JMJD1C: variants seen among roughly 807,000 people sequenced by gnomAD.
JMJD1C encodes jumonji domain containing 1C, also known as jumonji domain-containing protein 1C.
In JMJD1C, 31 loss-of-function variants were observed where a neutral mutation model predicts 245.3. The observed-to-expected ratio is 0.13, with a 90% CI of 0.09 to 0.17. The LOEUF (loss-of-function observed/expected upper bound fraction) is 0.17. Among genes scored for constraint, JMJD1C ranks in the 10% least tolerant of loss-of-function variants. The pLI, the probability that JMJD1C is intolerant of heterozygous loss-of-function variation, is 1.00. For synonymous variants in JMJD1C, 1,057 were observed against 1,017.4 expected, an observed-to-expected ratio of 1.04 and a Z score of -0.74; for missense variants, 2,691 against 3,000.2, an observed-to-expected ratio of 0.90 and a Z score of 2.41.
At chr10:63,368,830 T>C (rs1322060464) in intron 2 of JMJD1C, among the ~76,000 whole-genome samples, 1 of 151,624 alleles carries the variant, frequency 6.6e-6, no homozygotes, top group East Asian at 2.0e-4. Context: ...GGGACTACAG[T>C]AGAGACAGGG....
At chr10:63,338,496 G>A (rs1366756504) in intron 2 of JMJD1C, among the ~76,000 whole-genome samples, 1 of 151,888 alleles carries the variant, frequency 6.6e-6, no homozygotes, top group Non-Finnish European at 1.5e-5. Context: ...AAACTTTTCA[G>A]ATAAAATTTA....
chr10:63,196,549 A>G lies in JMJD1C; in HGVS notation c.5644+862T>C, dbSNP rs373171715. Reference sequence around the variant, plus strand: ...AGAGACTTTGGTTAATCCTATCAGTAGAAGATACTGATGGTTAAATCATGG... The same window carrying G: ...AGAGACTTTGGTTAATCCTATCAGTGGAAGATACTGATGGTTAAATCATGG... On this transcript the variant is annotated intron_variant, in intron 13 of 25. Transcript: ENST00000399262. 7.2e-5 allele frequency among the ~76,000 whole-genome samples: 11 copies of G among 152,316 alleles called. No homozygotes were observed. In the East Asian group the frequency reaches 1.5e-3, roughly 21 times the overall value.
intron 1 of JMJD1C, among the ~76,000 whole-genome samples, chr10:63,461,757 G>A (rs1952813837): frequency 6.6e-6 from 1 of 151,936 alleles, no homozygotes; most frequent in South Asian, 2.1e-4. Context: ...AGACAGAACT[G>A]GCTTGAAAAC....
intron 2 of JMJD1C, among the ~76,000 whole-genome samples, chr10:63,289,814 C>A (rs369640665): frequency 6.6e-6 from 1 of 151,928 alleles, no homozygotes; most frequent in African/African-American, 2.4e-5. Flanking sequence ...ATCACAGATG[C>A]CACAAATACT....
chr10:63,401,537 T>C (rs1469451205), intron 1 of JMJD1C, among the ~76,000 whole-genome samples: 2 of 152,134 alleles, frequency 1.3e-5, no homozygotes, highest in Admixed American at 6.6e-5. Flanking sequence ...TTTAATTCCA[T>C]TTTGGTCCGA....
chr10:63,460,551 T>C (rs962171496), intron 1 of JMJD1C, among the ~76,000 whole-genome samples: 1 of 152,108 alleles, frequency 6.6e-6, no homozygotes, highest in African/African-American at 2.4e-5. Context: ...AAACTTGAGA[T>C]GGTTAGTATG....
rs944774826 is a variant in JMJD1C at position 63,338,289 on chromosome 10, C to T, written c.333+42029G>A. ...AGCTGGGACTACAAATGTGCACCAC[C>T]ATGCCCAGCTTATTTAAAAAATTCT... On this transcript the variant is annotated intron_variant, in intron 2 of 25. Coordinates refer to ENST00000399262, the MANE Select transcript of JMJD1C (RefSeq NM_032776.3). Among the ~76,000 whole-genome samples the T allele has an allele frequency of 2.0e-5, 3 of 152,244 alleles. 1 individual carries two copies. The highest frequency in any genetic ancestry group is 7.2e-5 in the African/African-American group (3 of 41,530).
At chr10:63,281,737 G>A (rs940100625) in intron 2 of JMJD1C, among the ~76,000 whole-genome samples, 4 of 151,762 alleles carry the variant, frequency 2.6e-5, no homozygotes, top group Non-Finnish European at 4.4e-5. Context: ...CCAAAGTGCT[G>A]GGATTACAGG....
At chr10:63,468,430 CATAACTTTGTA>C (rs1483451601), upstream of JMJD1C, among the ~76,000 whole-genome samples, 1 of 152,096 alleles carries the variant, frequency 6.6e-6, no homozygotes, top group East Asian at 1.9e-4. Context: ...GCCAGCAAAT[CATAACTTTGTA>C]AATAACAAGG....
chr10:63,190,862 C>T (rs1457137381), intron 17 of JMJD1C, 32 bp downstream of exon 17: 3 of 1,577,364 alleles, frequency 1.9e-6, no homozygotes, highest in African/African-American at 2.7e-5. Context: ...ATTTAAGGCC[C>T]ACATTAAAAC....
chr10:63,420,772 G>A (rs571494707), intron 1 of JMJD1C, among the ~76,000 whole-genome samples: 1 of 147,852 alleles, frequency 6.8e-6, no homozygotes, highest in Non-Finnish European at 1.5e-5. Flanking sequence ...AAGAACACCT[G>A]ACAAAATTAG....
At chr10:63,362,531 G>T (rs980207134) in intron 2 of JMJD1C, among the ~76,000 whole-genome samples, 3 of 151,738 alleles carry the variant, frequency 2.0e-5, no homozygotes, top group Non-Finnish European at 4.4e-5. Context: ...CCAAGCTGGG[G>T]TGCAGTGGCA....
At chr10:63,306,903 T>C (rs1285946432) in intron 2 of JMJD1C, among the ~76,000 whole-genome samples, 1 of 152,218 alleles carries the variant, frequency 6.6e-6, no homozygotes, top group Non-Finnish European at 1.5e-5. Context: ...TGGTCAATCA[T>C]ATCCCTCCTT....
chr10:63,311,737 G>A (rs1939226056), intron 2 of JMJD1C, among the ~76,000 whole-genome samples: 1 of 152,110 alleles, frequency 6.6e-6, no homozygotes, highest in Admixed American at 6.6e-5. Context: ...TAAAAGCGCA[G>A]ATGAGAGTAA....
intron 1 of JMJD1C, among the ~76,000 whole-genome samples, chr10:63,477,466 T>C (rs1029425218): frequency 1.3e-5 from 2 of 151,598 alleles, no homozygotes; most frequent in African/African-American, 4.8e-5. Flanking sequence ...GGTCAATTGA[T>C]TTTTCAATAA....
chr10:63,391,390 G>A (rs543923889), intron 1 of JMJD1C, among the ~76,000 whole-genome samples: 1 of 152,072 alleles, frequency 6.6e-6, no homozygotes, highest in East Asian at 1.9e-4. Flanking sequence ...GGTGCCTGTA[G>A]TCCCAGCCAC....
At chr10:63,324,007 G>C (rs867781904) in intron 2 of JMJD1C, among the ~76,000 whole-genome samples, 1 of 149,858 alleles carries the variant, frequency 6.7e-6, no homozygotes, top group South Asian at 2.1e-4. Flanking sequence ...GGATGTTCCA[G>C]CTCAGAAAGA....
chr10:63,320,206 T>C, intron 2 of JMJD1C, among the ~76,000 whole-genome samples: 1 of 152,198 alleles, frequency 6.6e-6, no homozygotes, highest in African/African-American at 2.4e-5. Flanking sequence ...ATGCCCAGCA[T>C]ATCTTACATT....
chr10:63,201,978 C>T (rs1240377461), intron 10 of JMJD1C, among the ~76,000 whole-genome samples: 1 of 151,612 alleles, frequency 6.6e-6, no homozygotes, highest in Non-Finnish European at 1.5e-5. Flanking sequence ...ATGTTGGGGT[C>T]CAGGTGCAGT....
Sources: allele counts gnomAD v4.1 joint callset (sites outside exome capture counted in the v4.1 genomes callset), GRCh38; gene constraint gnomAD v4.1.1; transcripts MANE v1.5; gene names NCBI Gene and HGNC (gene_info 2026-07-23, HGNC 2026-07-21).